Variants in PCED1A observed in about 807,000 individuals in gnomAD.
The protein encoded by PCED1A is PC-esterase domain containing 1A.
Under a neutral mutation model 41.9 loss-of-function variants are expected in PCED1A, and 20 were observed. The observed-to-expected ratio is 0.48, with a 90% CI of 0.34 to 0.69. The LOEUF (loss-of-function observed/expected upper bound fraction) is 0.69, where lower values mean the gene tolerates loss of function less well. Ranked by LOEUF, PCED1A falls within the 30% of genes least tolerant of loss-of-function variation. PCED1A has a pLI of 0.01. For missense variants in PCED1A, 498 were observed against 602.1 expected (o/e 0.83, Z 1.81); for synonymous variants, 236 against 241.3 (o/e 0.98, Z 0.20).
At chr20:2,840,870 C>T (rs1308921849), upstream of PCED1A, 36 of 1,521,334 alleles carry the variant, frequency 2.4e-5, 1 homozygote, top group Non-Finnish European at 2.8e-5. Flanking sequence ...GCTTACCCTG[C>T]TCGCCCGCCG....
intron 2 of PCED1A, 65 bp from the exon 3 acceptor site, chr20:2,839,336 C>T: frequency 6.7e-7 from 1 of 1,496,872 alleles, no homozygotes; most frequent in Non-Finnish European, 9.2e-7. Context: ...CTTCCAAGTC[C>T]AGGACCCCAT....
At chr20:2,840,864 A>G, upstream of PCED1A, 1 of 1,251,312 alleles carries the variant, frequency 8.0e-7, no homozygotes, top group Non-Finnish European at 1.1e-6. Flanking sequence ...GGCCTGGCTT[A>G]CCCTGCTCGC....
rs2088871217 is a variant in PCED1A, at chr20:2,838,284, G to A, written c.789C>T (p.Thr263=). The change falls in exon 6 of 8, where the codon ACC becomes ACT. Residue 263 remains threonine, a synonymous_variant. Transcript: ENST00000360652. This position sits in a 1 kb window ranked among gnomAD's most constrained non-coding sequence, Gnocchi z 5.8. ...AHRHLSHLLL[T]HVADAWGVEL... ...CCACGCCCCAGGCGTCAGCCACATG[G>A]GTCAGAAGCAGGTGTGAGAGGTGGC... 1 of 1,614,246 alleles carries A rather than the reference G, an allele frequency of 6.2e-7. No homozygotes were observed. Among genetic ancestry groups the A allele is most frequent in the East Asian group, 2.2e-5 (1 of 44,892 alleles).
chr20:2,839,237 C>G lies in PCED1A; in HGVS notation c.159G>C (p.Leu53Phe), dbSNP rs751337598. Residue 53 changes from leucine to phenylalanine, a missense_variant, in exon 3 of 8, where the codon TTG (leucine) becomes TTC (phenylalanine). Transcript: ENST00000360652. ...CTGTGAGCAGTGAGTCTTTCTGGAG[C>G]AAGAGCACCAGGTCCTTGTACACAG... is the stretch of plus-strand genomic sequence containing the variant. ...QRAVYKDLVL[L>F]LQKDSLLTAA... 1.9e-6 allele frequency: 3 copies of G among 1,613,808 alleles called. No homozygotes were observed. Among genetic ancestry groups the G allele is most frequent in the Non-Finnish European group, 8.5e-7 (1 of 1,180,018 alleles).
chr20:2,840,228 C>G lies in PCED1A; in HGVS notation c.-39G>C, dbSNP rs933156019. The G allele has an allele frequency of 1.1e-5, 3 of 269,682 alleles. No individual in the cohort carries two copies. Among genetic ancestry groups the G allele is most frequent in the Non-Finnish European group, 2.1e-5 (3 of 144,524 alleles). 16.7% of individuals were successfully genotyped at this position (269,682 alleles called of 1,614,324 possible). A position where few individuals can be genotyped will look rare whatever the true frequency, so the allele number is the denominator to read the frequency against. On this transcript the variant is annotated 5_prime_UTR_variant, in exon 1 of 8. Coordinates refer to ENST00000360652, the MANE Select transcript of PCED1A (RefSeq NM_022760.6). The stretch of plus-strand genomic sequence containing the variant: ...CCAATTACCAAGTCCCGGGGCTCCG[C>G]GGTGTTCACCCGCGACCCGGGTATG...
upstream of PCED1A, chr20:2,840,994 C>T: frequency 1.6e-6 from 1 of 640,176 alleles, no homozygotes. Flanking sequence ...GGGCAGGGAG[C>T]CGGGCCTTCC....
Position 2,838,601 on chromosome 20 carries a change from G to T in PCED1A, c.589C>A (p.Pro197Thr). 6.2e-7 allele frequency: 1 copy of T among 1,614,206 alleles called. No individual in the cohort carries two copies. Among genetic ancestry groups the T allele is most frequent in the Non-Finnish European group, 8.5e-7 (1 of 1,180,036 alleles). Reference protein sequence around the residue: ...GERITGGFLLPELQPLAGSLR... With the variant: ...GERITGGFLLTELQPLAGSLR... ...GATGGGCCTCAGTCACTTGCCTCTG[G>T]CAGGAGGAAACCCCCAGTGATACGT... The change falls in exon 5 of 8, where the codon CCA becomes ACA. Residue 197 changes from proline to threonine, a missense_variant. This residue lies in a region of PCED1A where 253 missense variants were observed against 369.7 expected (regional missense o/e 0.68). Transcript: ENST00000360652. The surrounding 1 kb of genome is among the most constrained non-coding windows in gnomAD (Gnocchi z 5.8).
chr20:2,839,863 T>C lies in PCED1A; in HGVS notation c.50A>G (p.Asp17Gly). Residue 17 changes from aspartate (D) to glycine (G), a missense_variant, in exon 2 of 8, where the codon GAC becomes GGC. Around this residue, in one of 2 missense-constraint regions of PCED1A, gnomAD observed 253 missense variants for 369.7 expected, o/e 0.68. Transcript: ENST00000360652. Reference protein sequence around the residue: ...SEEPRRPLRSDMVHFQASEVQ... With the variant: ...SEEPRRPLRSGMVHFQASEVQ... Reference sequence around the variant, plus strand: ...TTCCGAGGCCTGGAAGTGGACCATGTCGCTTCGCAGCGGGCGGCGCGGCTC... The same window carrying C: ...TTCCGAGGCCTGGAAGTGGACCATGCCGCTTCGCAGCGGGCGGCGCGGCTC... 1 of 1,614,150 alleles carries C rather than the reference T, an allele frequency of 6.2e-7. No individual in the cohort carries two copies. The highest frequency in any genetic ancestry group is 1.1e-5 in the South Asian group (1 of 91,080).
In PCED1A at chr20:2,838,166, G is replaced by T; in HGVS notation, c.841+66C>A. The T allele has an allele frequency of 6.2e-7, 1 of 1,607,728 alleles. No homozygotes were observed. The highest frequency in any genetic ancestry group is 8.5e-7 in the Non-Finnish European group (1 of 1,177,322). Reference sequence around the variant, plus strand: ...CCCTTGAGTGGCTGTGTCCCATTCTGTTTCTGAGCCCTGTCCTCTGAGGGC... The same window carrying T: ...CCCTTGAGTGGCTGTGTCCCATTCTTTTTCTGAGCCCTGTCCTCTGAGGGC... On this transcript the variant is annotated intron_variant, in intron 6 of 7. Transcript: ENST00000360652. The surrounding 1 kb of genome is among the most constrained non-coding windows in gnomAD (Gnocchi z 5.8).
upstream of PCED1A, chr20:2,840,727 C>G (rs746685962): frequency 1.9e-6 from 3 of 1,544,040 alleles, no homozygotes; most frequent in African/African-American, 1.4e-5. Flanking sequence ...GGAGCCCGCT[C>G]TAGGTGGGTG....
rs2088897310 is a variant in PCED1A at position 2,839,196 on chromosome 20, G to A, written c.200C>T (p.Ala67Val). The change falls in exon 3 of 8, where the codon GCC becomes GTC. Residue 67 changes from alanine (A) to valine (V), a missense_variant. This residue lies in a region of PCED1A where 253 missense variants were observed against 369.7 expected (regional missense o/e 0.68). Transcript: ENST00000360652. ...TGGCCACCAAGCTTCCCTCACCTTG[G>A]CTTTCAGCTGGGCAGCTGTGAGCAG... Reference protein sequence around the residue: ...DSLLTAAQLKAKGELSFEQDQ... With the variant: ...DSLLTAAQLKVKGELSFEQDQ... The A allele has an allele frequency of 6.2e-7, 1 of 1,612,038 alleles. No individual in the cohort carries two copies. The highest frequency in any genetic ancestry group is 8.5e-7 in the Non-Finnish European group (1 of 1,179,842).
chr20:2,840,098 T>TCCAG, intron 1 of PCED1A, 113 bp downstream of exon 1: 1 of 658,830 alleles, frequency 1.5e-6, no homozygotes, highest in Non-Finnish European at 2.4e-6. Context: ...CAGGGGGTCG[T>TCCAG]CCAGCCAGCA....
chr20:2,840,645 C>G lies in PCED1A; in HGVS notation c.-456G>C. The G allele has an allele frequency of 9.7e-7, 1 of 1,025,970 alleles. No homozygotes were observed. Among genetic ancestry groups the G allele is most frequent in the Non-Finnish European group, 1.5e-6 (1 of 678,798 alleles). The allele number at this position is 1,025,970 out of a possible 1,614,324, so 63.6% of individuals were successfully genotyped here. A position where few individuals can be genotyped will look rare whatever the true frequency, so the allele number is the denominator to read the frequency against. On this transcript the variant is annotated 5_prime_UTR_variant, in exon 1 of 8. Coordinates refer to ENST00000360652, the MANE Select transcript of PCED1A (RefSeq NM_022760.6). Reference sequence around the variant, plus strand: ...TCGGGGCGGCAGCCAAGTGAGGCTGCCCACAGTGGTGATGGCCGCGGCGGC... The same window carrying G: ...TCGGGGCGGCAGCCAAGTGAGGCTGGCCACAGTGGTGATGGCCGCGGCGGC...
In PCED1A at chr20:2,838,666, G is replaced by C; in HGVS notation, c.524C>G (p.Ser175Cys). 6.2e-7 allele frequency: 1 copy of C among 1,614,224 alleles called. No homozygotes were observed. Among genetic ancestry groups the C allele is most frequent in the South Asian group, 1.1e-5 (1 of 91,088 alleles). The change falls in exon 5 of 8, where the codon TCC becomes TGC. Residue 175 changes from serine (S) to cysteine (C), a missense_variant. Ser to Cys is a moderately radical substitution (Grantham distance 112). Around this residue, in one of 2 missense-constraint regions of PCED1A, gnomAD observed 253 missense variants for 369.7 expected, o/e 0.68. Transcript: ENST00000360652. The surrounding 1 kb of genome is among the most constrained non-coding windows in gnomAD (Gnocchi z 5.8). ...FVRMDQVLPD[S>C]CLLVWNMAMP... ...CGCCATGTTCCACACCAGCAGGCAGGAGTCTGGCAATACTTGGTCCATGCG... is the reference window on the plus strand; with the variant it reads ...CGCCATGTTCCACACCAGCAGGCAGCAGTCTGGCAATACTTGGTCCATGCG...
chr20:2,836,198 G>A lies in PCED1A; in HGVS notation c.958C>T (p.Pro320Ser). The A allele has an allele frequency of 6.2e-7, 1 of 1,607,638 alleles. No individual in the cohort carries two copies. Among genetic ancestry groups the A allele is most frequent in the Non-Finnish European group, 8.5e-7 (1 of 1,174,434 alleles). ...AGCGGGTAGGGAAAAGGCATGGGAG[G>A]AGGCAAAGAAGAAGGTGGGGGTGGG... ...LLPPPPSSLPPPMPFPYPLPQ... is the reference protein window; with the variant it reads ...LLPPPPSSLPSPMPFPYPLPQ... The change falls in exon 7 of 8, where the codon CCT becomes TCT. Residue 320 changes from proline (P) to serine (S), a missense_variant. By Grantham distance (74) the Pro-to-Ser change is moderately conservative. This residue lies in a region of PCED1A where 245 missense variants were observed against 232.4 expected (regional missense o/e 1.05). Coordinates refer to ENST00000360652, the MANE Select transcript of PCED1A (RefSeq NM_022760.6).
rs553319693 is a variant in PCED1A at position 2,838,263 on chromosome 20, G to A, written c.810C>T (p.Gly270=). ...LLLTHVADAW[G]VELPKRGYPP... Reference sequence around the variant, plus strand: ...GATAGCCACGCTTGGGCAGCTCCACGCCCCAGGCGTCAGCCACATGGGTCA... The same window carrying A: ...GATAGCCACGCTTGGGCAGCTCCACACCCCAGGCGTCAGCCACATGGGTCA... Residue 270 remains glycine (G), a synonymous_variant, in exon 6 of 8, where the codon GGC becomes GGT. Coordinates refer to ENST00000360652, the MANE Select transcript of PCED1A (RefSeq NM_022760.6). This position sits in a 1 kb window ranked among gnomAD's most constrained non-coding sequence, Gnocchi z 5.8. 9.4e-5 allele frequency: 152 copies of A among 1,614,204 alleles called. 3 individuals are homozygous for A. In the South Asian group the frequency reaches 1.5e-3, roughly 16 times the overall value.
Position 2,836,116 on chromosome 20 carries a change from A to G in PCED1A, c.1040T>C (p.Phe347Ser), listed in dbSNP as rs144737230. The G allele has an allele frequency of 1.7e-3, 2,748 of 1,574,710 alleles. 10 individuals carry two copies. Among genetic ancestry groups the G allele is most frequent in the South Asian group, 5.9e-3 (494 of 83,904 alleles). The part of the protein sequence containing the change: ...FPPLPQDTPF[F>S]PGQPFPPHEF... ...ATGGGGTGGGAAGGGCTGGCCTGGG[A>G]AAAAAGGGGTATCCTGGGGCAGGGG... Residue 347 changes from phenylalanine (F) to serine (S), a missense_variant, in exon 7 of 8, where the codon TTC (phenylalanine) becomes TCC (serine). Around this residue, in one of 2 missense-constraint regions of PCED1A, gnomAD observed 245 missense variants for 232.4 expected, o/e 1.05. Coordinates refer to ENST00000360652, the MANE Select transcript of PCED1A (RefSeq NM_022760.6).
chr20:2,840,668 G>T (rs1365931095), upstream of PCED1A: 2 of 1,258,186 alleles, frequency 1.6e-6, no homozygotes, highest in Non-Finnish European at 2.3e-6. Flanking sequence ...TGGCCGCGGC[G>T]GCGGCCTCGC....
At chr20:2,836,003 G>C (rs1599947804) in intron 7 of PCED1A, 36 bp downstream of exon 7, 2 of 1,458,882 alleles carry the variant, frequency 1.4e-6, no homozygotes, top group East Asian at 2.5e-5. Context: ...GGTAAGGGGA[G>C]GTACAAGAGG....
Sources: allele counts gnomAD v4.1 joint callset, GRCh38; gene constraint gnomAD v4.1.1; regional missense constraint gnomAD v4.1.1; non-coding constraint Gnocchi (gnomAD v3.1); transcripts MANE v1.5; gene names NCBI Gene and HGNC (gene_info 2026-07-23, HGNC 2026-07-21).